MAP3K4: variants seen among roughly 807,000 people sequenced by gnomAD.
MAP3K4 encodes MAP three kinase 1.
MAP3K4 carries 67 observed loss-of-function variants against 185.6 expected under a neutral mutation model. That is an observed-to-expected ratio of 0.36 (90% confidence interval 0.30 to 0.44). The LOEUF is 0.44. MAP3K4 is among the 20% of genes least tolerant of loss of function. The probability of loss-of-function intolerance (pLI) is 1.00; values close to 1 mark genes in which losing one functional copy is unlikely to be tolerated. For missense variants in MAP3K4, 1,551 were observed against 1,995.1 expected (o/e 0.78, Z 4.24); for synonymous variants, 702 against 710.4 (o/e 0.99, Z 0.19).
Position 161,086,754 on chromosome 6 carries a change from A to G in MAP3K4, c.2556+87A>G. 9.7e-7 allele frequency: 1 copy of G among 1,033,188 alleles called. No homozygotes were observed. The highest frequency in any genetic ancestry group is 1.5e-5 in the South Asian group (1 of 66,186). The allele number at this position is 1,033,188 out of a possible 1,614,324, so 64.0% of individuals were successfully genotyped here. A position where few individuals can be genotyped will look rare whatever the true frequency, so the allele number is the denominator to read the frequency against. ...CAGACTTTTTCTTGAAGGTCCAGAT[A>G]GTAAATATTACAGGCTCTGAAGGCT... is the stretch of plus-strand genomic sequence containing the variant. On this transcript the variant is annotated intron_variant, in intron 9 of 26. Transcript: ENST00000392142. This position sits in a 1 kb window ranked among gnomAD's most constrained non-coding sequence, Gnocchi z 4.8.
Position 161,053,749 on chromosome 6 carries a change from G to T in MAP3K4, c.1707+3770G>T, listed in dbSNP as rs1784109011. Among the ~76,000 whole-genome samples, 1 of 152,010 alleles carries T rather than the reference G, an allele frequency of 6.6e-6. No homozygotes were observed. The highest frequency in any genetic ancestry group is 1.5e-5 in the Non-Finnish European group (1 of 68,002). ...TGGGATTACAAGCGTGCACCACCAT[G>T]CCTGGCTAATTTTTTGTGTTTTTAA... On this transcript the variant is annotated intron_variant, in intron 3 of 26. Transcript: ENST00000392142. This position sits in a 1 kb window ranked among gnomAD's most constrained non-coding sequence, Gnocchi z 4.2.
At chr6:161,028,290 TTC>T (rs1782765529) in intron 1 of MAP3K4, among the ~76,000 whole-genome samples, 1 of 150,546 alleles carries the variant, frequency 6.6e-6, no homozygotes, top group Admixed American at 6.6e-5. Flanking sequence ...TGGATAAGAC[TTC>T]TAAATTAAAG....
intron 17 of MAP3K4, among the ~76,000 whole-genome samples, chr6:161,099,016 A>G (rs1461663203): frequency 6.6e-6 from 1 of 152,236 alleles, no homozygotes; most frequent in Non-Finnish European, 1.5e-5. Flanking sequence ...TGTGTAAGTA[A>G]GGAGGGTCTT....
At position 161,112,784 on chromosome 6, in the gene MAP3K4, G is replaced by A; in HGVS notation, c.4626+10G>A. On this transcript the variant is annotated intron_variant, in intron 25 of 26. Coordinates refer to ENST00000392142, the MANE Select transcript of MAP3K4 (RefSeq NM_005922.4). This position sits in a 1 kb window ranked among gnomAD's most constrained non-coding sequence, Gnocchi z 5.1. ...GATGGTGACTGGCAAGGTAAGCGGA[G>A]CCCCCACACCTGGCGGAGCAACTTC... 1.3e-6 allele frequency: 2 copies of A among 1,573,134 alleles called. No individual in the cohort carries two copies. The highest frequency in any genetic ancestry group is 2.3e-5 in the East Asian group (1 of 43,644).
At chr6:161,025,677 A>G (rs942890774) in intron 1 of MAP3K4, among the ~76,000 whole-genome samples, 5 of 152,256 alleles carry the variant, frequency 3.3e-5, no homozygotes, top group Admixed American at 6.5e-5. Context: ...TGTTTTTTCC[A>G]CAAGTAAATT....
intron 2 of MAP3K4, among the ~76,000 whole-genome samples, chr6:161,041,979 A>C (rs73784721): frequency 0.045 from 6,386 of 140,846 alleles, 480 homozygotes; most frequent in African/African-American, 0.16. Flanking sequence ...ACTGGCCCGG[A>C]ACCTCTGGAC....
At position 161,066,487 on chromosome 6, in the gene MAP3K4, C is replaced by T. The variant is rs140920708; in HGVS notation, c.1708-4121C>T. ...TTATTAAATCAGTTTTAGCAGTGTT[C>T]ATTCTATTTTCACTGTCTTCTTGAG... is the stretch of plus-strand genomic sequence containing the variant. On this transcript the variant is annotated intron_variant, in intron 3 of 26. Coordinates refer to ENST00000392142, the MANE Select transcript of MAP3K4 (RefSeq NM_005922.4). Among the ~76,000 whole-genome samples the T allele has an allele frequency of 5.9e-4, 89 of 151,382 alleles. 2 individuals carry two copies. In the East Asian group the frequency reaches 0.016, roughly 28 times the overall value.
intron 6 of MAP3K4, 96 bp downstream of exon 6, chr6:161,081,134 T>C (rs1367273452): frequency 1.5e-6 from 2 of 1,348,974 alleles, no homozygotes; most frequent in South Asian, 1.4e-5. Context: ...TATGTTTAGT[T>C]ACATGAAAAT....
chr6:161,059,240 A>T (rs543186106), intron 3 of MAP3K4, among the ~76,000 whole-genome samples: 6 of 152,008 alleles, frequency 3.9e-5, no homozygotes, highest in Non-Finnish European at 7.4e-5. Flanking sequence ...AGTTCCAGCG[A>T]TTCTCATGCC....
At chr6:161,102,066 T>G in intron 18 of MAP3K4, 74 bp downstream of exon 18, 1 of 1,185,080 alleles carries the variant, frequency 8.4e-7, no homozygotes, top group Non-Finnish European at 1.2e-6. Context: ...TTTCTGTTGT[T>G]AATGCCTTTA....
rs774939007 is a variant in MAP3K4 at position 161,084,974 on chromosome 6, G to A, written c.2372+357G>A. Among the ~76,000 whole-genome samples, 24 of 151,904 alleles carry A rather than the reference G, an allele frequency of 1.6e-4. No homozygotes were observed. Among genetic ancestry groups the A allele is most frequent in the African/African-American group, 2.2e-4 (9 of 41,298 alleles). ...AGCCTGGCCAAGATGGTGAAACCTC[G>A]TCTCTACTAAAAATACAAAAAAAAC... On this transcript the variant is annotated intron_variant, in intron 7 of 26. Coordinates refer to ENST00000392142, the MANE Select transcript of MAP3K4 (RefSeq NM_005922.4). The surrounding 1 kb of genome is among the most constrained non-coding windows in gnomAD (Gnocchi z 4.6).
intron 19 of MAP3K4, among the ~76,000 whole-genome samples, chr6:161,105,568 C>T (rs1454453098): frequency 3.3e-5 from 5 of 152,192 alleles, no homozygotes; most frequent in Admixed American, 6.5e-5. Context: ...TCAGAGATGG[C>T]TTCCTAGAAG....
In MAP3K4 at chr6:160,996,677, C is replaced by G. The variant is rs1215824464; in HGVS notation, c.152+4594C>G. Among the ~76,000 whole-genome samples the G allele has an allele frequency of 7.2e-5, 11 of 152,106 alleles. No individual in the cohort carries two copies. Among genetic ancestry groups the G allele is most frequent in the African/African-American group, 2.7e-4 (11 of 41,400 alleles). ...AGAGAAGGAGATTAGCTGAAGACTC[C>G]GTAGGTCTTCATAAGCTGGCACTCC... On this transcript the variant is annotated intron_variant, in intron 1 of 26. Transcript: ENST00000392142. The surrounding 1 kb of genome is among the most constrained non-coding windows in gnomAD (Gnocchi z 4.5).
chr6:161,108,441 G>C lies in MAP3K4; in HGVS notation c.4120-302G>C, dbSNP rs1363549529. On this transcript the variant is annotated intron_variant, in intron 21 of 26. Coordinates refer to ENST00000392142, the MANE Select transcript of MAP3K4 (RefSeq NM_005922.4). The surrounding 1 kb of genome is among the most constrained non-coding windows in gnomAD (Gnocchi z 5.7). ...GGTTTGACGTGGAAGGAGGAGAGGA[G>C]TGGAGAGGGGAGGCTCCAGCGTCTT... Among the ~76,000 whole-genome samples the C allele has an allele frequency of 6.6e-6, 1 of 152,110 alleles. No homozygotes were observed. The highest frequency in any genetic ancestry group is 2.4e-5 in the African/African-American group (1 of 41,426).
intron 1 of MAP3K4, among the ~76,000 whole-genome samples, chr6:161,021,300 A>G (rs1182815737): frequency 6.6e-6 from 1 of 152,152 alleles, no homozygotes; most frequent in African/African-American, 2.4e-5. Context: ...TGGGGATAAG[A>G]CATAACGTAG....
At position 161,008,733 on chromosome 6, in the gene MAP3K4, C is replaced by T. The variant is rs1364357323; in HGVS notation, c.152+16650C>T. 6.6e-6 allele frequency among the ~76,000 whole-genome samples: 1 copy of T among 152,150 alleles called. No homozygotes were observed. The highest frequency in any genetic ancestry group is 1.5e-5 in the Non-Finnish European group (1 of 68,018). ...TGAGCAGCATCCTAGAAAATCTCTT[C>T]CTACTTCTTGCACACACTACCCTTT... On this transcript the variant is annotated intron_variant, in intron 1 of 26. Coordinates refer to ENST00000392142, the MANE Select transcript of MAP3K4 (RefSeq NM_005922.4). The surrounding 1 kb of genome is among the most constrained non-coding windows in gnomAD (Gnocchi z 4.1).
rs1054757544 is a variant in MAP3K4 at position 161,112,849 on chromosome 6, T to G, written c.4626+75T>G. The G allele has an allele frequency of 1.1e-6, 1 of 935,200 alleles. No homozygotes were observed. The highest frequency in any genetic ancestry group is 1.5e-6 in the Non-Finnish European group (1 of 656,496). 57.9% of individuals were successfully genotyped at this position (935,200 alleles called of 1,614,324 possible). A position where few individuals can be genotyped will look rare whatever the true frequency, so the allele number is the denominator to read the frequency against. The stretch of plus-strand genomic sequence containing the variant: ...CATTAACAGAACAGTAGTTATGGAT[T>G]GATTATTTATTACAAACACTGTGGA... On this transcript the variant is annotated intron_variant, in intron 25 of 26. Transcript: ENST00000392142. This position sits in a 1 kb window ranked among gnomAD's most constrained non-coding sequence, Gnocchi z 5.1.
At chr6:161,042,573 A>G (rs1290030406) in intron 2 of MAP3K4, among the ~76,000 whole-genome samples, 2 of 152,212 alleles carry the variant, frequency 1.3e-5, no homozygotes, top group African/African-American at 2.4e-5. Context: ...ATTTATAGCA[A>G]TTAAGATTTT....
rs77005465 is a variant in MAP3K4, at chr6:161,037,057, G to C, written c.343+2608G>C. Reference sequence around the variant, plus strand: ...TCAGTCACATGTATATTAGAAAGTGGCTTCACATGTATGCCAGCTGGTGAA... The same window carrying C: ...TCAGTCACATGTATATTAGAAAGTGCCTTCACATGTATGCCAGCTGGTGAA... On this transcript the variant is annotated intron_variant, in intron 2 of 26. Coordinates refer to ENST00000392142, the MANE Select transcript of MAP3K4 (RefSeq NM_005922.4). This position sits in a 1 kb window ranked among gnomAD's most constrained non-coding sequence, Gnocchi z 4.2. 1.5e-4 allele frequency among the ~76,000 whole-genome samples: 23 copies of C among 152,290 alleles called. No homozygotes were observed. The East Asian group carries it at 2.1e-3, about 14-fold the overall frequency.
Sources: allele counts gnomAD v4.1 joint callset (sites outside exome capture counted in the v4.1 genomes callset), GRCh38; gene constraint gnomAD v4.1.1; non-coding constraint Gnocchi (gnomAD v3.1); transcripts MANE v1.5; gene names NCBI Gene and HGNC (gene_info 2026-07-23, HGNC 2026-07-21).